Variants in PHF2 observed in about 807,000 individuals in gnomAD.
PHF2 encodes the protein lysine-specific demethylase PHF2.
A neutral mutation model predicts 120.5 loss-of-function variants in PHF2; 27 were observed. That is an observed-to-expected ratio of 0.22 (90% CI 0.17 to 0.31). PHF2 has a LOEUF of 0.31. Ranked by LOEUF, PHF2 falls within the 10% of genes least tolerant of loss-of-function variation. The pLI is 1.00. For synonymous variants in PHF2, 568 were observed against 592.5 expected (o/e 0.96, Z 0.60); for missense variants, 1,024 against 1,434.8 (o/e 0.71, Z 4.63).
intron 3 of PHF2, among the ~76,000 whole-genome samples, chr9:93,641,575 C>T (rs1826172645): frequency 6.6e-6 from 1 of 152,236 alleles, no homozygotes; most frequent in Admixed American, 6.5e-5. Context: ...CATCCAAACT[C>T]TTCACATGTT....
intron 14 of PHF2, among the ~76,000 whole-genome samples, chr9:93,664,911 A>G: frequency 6.6e-6 from 1 of 152,218 alleles, no homozygotes; most frequent in East Asian, 1.9e-4. Flanking sequence ...CGCCTCACCT[A>G]GGCACTGTAT....
At chr9:93,667,383 A>T in intron 17 of PHF2, 143 bp downstream of exon 17, 1 of 895,082 alleles carries the variant, frequency 1.1e-6, no homozygotes, top group Non-Finnish European at 1.7e-6. Flanking sequence ...GCAGAAGGGC[A>T]CACCTCAGAT....
intron 1 of PHF2, among the ~76,000 whole-genome samples, chr9:93,614,467 G>A (rs1825688605): frequency 6.6e-6 from 1 of 152,220 alleles, no homozygotes; most frequent in Admixed American, 6.5e-5. Context: ...ACAGAGAAGT[G>A]CAAATGAAGG....
At chr9:93,621,766 G>C (rs1825831885) in intron 1 of PHF2, among the ~76,000 whole-genome samples, 1 of 152,108 alleles carries the variant, frequency 6.6e-6, no homozygotes, top group Non-Finnish European at 1.5e-5. Context: ...CCAGGACCCC[G>C]TGCCAATATC....
chr9:93,644,791 A>G (rs1177009640), intron 3 of PHF2, among the ~76,000 whole-genome samples: 2 of 152,166 alleles, frequency 1.3e-5, no homozygotes, highest in Non-Finnish European at 2.9e-5. Flanking sequence ...GGCCTTGGGC[A>G]GACCACACTT....
chr9:93,640,201 T>C (rs968678261), intron 3 of PHF2, among the ~76,000 whole-genome samples: 11 of 151,120 alleles, frequency 7.3e-5, no homozygotes, highest in Admixed American at 7.2e-4. Flanking sequence ...TGGTCTAAGC[T>C]TTTTGGATCT....
intron 6 of PHF2, 125 bp downstream of exon 6, chr9:93,653,490 C>T: frequency 1.0e-6 from 1 of 966,092 alleles, no homozygotes; most frequent in Non-Finnish European, 1.5e-6. Context: ...CTGGACTGTC[C>T]ATCCCTGGGA....
rs146277024 is a variant in PHF2 at position 93,612,920 on chromosome 9, G to A, written c.99-17050G>A. Among the ~76,000 whole-genome samples the A allele has an allele frequency of 5.2e-3, 788 of 152,306 alleles. 2 individuals are homozygous for A. The highest frequency in any genetic ancestry group is 8.9e-3 in the Non-Finnish European group (608 of 68,028). ...CATGCTCTTGTTTGCTCACAGATGGGGGACTTCTCTCTAATTGCACCCTTC... is the reference window on the plus strand; with the variant it reads ...CATGCTCTTGTTTGCTCACAGATGGAGGACTTCTCTCTAATTGCACCCTTC... On this transcript the variant is annotated intron_variant, in intron 1 of 21. Coordinates refer to ENST00000359246, the MANE Select transcript of PHF2 (RefSeq NM_005392.4).
chr9:93,645,871 A>G lies in PHF2; in HGVS notation c.460+82A>G. The G allele has an allele frequency of 2.1e-6, 3 of 1,433,094 alleles. No homozygotes were observed. The Admixed American group carries it at 6.8e-5, about 33-fold the overall frequency. 88.8% of individuals were successfully genotyped at this position (1,433,094 alleles called of 1,614,324 possible). A position where few individuals can be genotyped will look rare whatever the true frequency, so the allele number is the denominator to read the frequency against. ...CCACCACTGTGCATGCTGTTTCCCC[A>G]CGCCCTGGCTGTGTCCATGTGTGCC... On this transcript the variant is annotated intron_variant, in intron 4 of 21. Transcript: ENST00000359246.
Position 93,576,744 on chromosome 9 carries a change from C to A in PHF2, c.-30C>A. On this transcript the variant is annotated 5_prime_UTR_variant, in exon 1 of 22. Transcript: ENST00000359246. ...CGGACCGACCCGGGCAGCGCAGCGG[C>A]GGGGCCGAGCGGCGGCGCGGCGCGG... is the stretch of plus-strand genomic sequence containing the variant. 8.9e-7 allele frequency: 1 copy of A among 1,126,032 alleles called. No individual in the cohort carries two copies. Among genetic ancestry groups the A allele is most frequent in the Non-Finnish European group, 1.1e-6 (1 of 891,746 alleles). The allele number at this position is 1,126,032 out of a possible 1,614,324, so 69.8% of individuals were successfully genotyped here. A position where few individuals can be genotyped will look rare whatever the true frequency, so the allele number is the denominator to read the frequency against.
chr9:93,592,376 C>G (rs1564373667), intron 1 of PHF2, among the ~76,000 whole-genome samples: 1 of 151,634 alleles, frequency 6.6e-6, no homozygotes, highest in Admixed American at 6.6e-5. Flanking sequence ...ATCATTGCCC[C>G]CATCACTGAC....
rs896880181 is a variant in PHF2, at chr9:93,588,615, G to A, written c.98+11744G>A. ...CCCCAGAAAAACACTTTATGGGCTG[G>A]GCACGGTGGCTCACACCTGTAATCC... On this transcript the variant is annotated intron_variant, in intron 1 of 21. Coordinates refer to ENST00000359246, the MANE Select transcript of PHF2 (RefSeq NM_005392.4). Among the ~76,000 whole-genome samples, 7 of 152,278 alleles carry A rather than the reference G, an allele frequency of 4.6e-5. No individual in the cohort carries two copies. The South Asian group carries it at 6.2e-4, about 14-fold the overall frequency.
At chr9:93,599,701 G>T (rs1306989376) in intron 1 of PHF2, among the ~76,000 whole-genome samples, 1 of 152,224 alleles carries the variant, frequency 6.6e-6, no homozygotes, top group Non-Finnish European at 1.5e-5. Context: ...GCCACCACGA[G>T]GGCTGATGTG....
chr9:93,584,216 T>C (rs1000216082), intron 1 of PHF2, among the ~76,000 whole-genome samples: 1 of 152,268 alleles, frequency 6.6e-6, no homozygotes. Flanking sequence ...TAATGACTAC[T>C]GATGCACAAA....
At position 93,637,882 on chromosome 9, in the gene PHF2, C is replaced by T. The variant is rs75558730; in HGVS notation, c.299+1357C>T. On this transcript the variant is annotated intron_variant, in intron 3 of 21. Transcript: ENST00000359246. ...AGACTGTCTTCCAAAGCAGGTTCCC[C>T]GTTTTACCTTCCCACCAGCAGGGTA... is the stretch of plus-strand genomic sequence containing the variant. 8.6e-3 allele frequency among the ~76,000 whole-genome samples: 1,303 copies of T among 152,322 alleles called. 20 individuals are homozygous for T. The highest frequency in any genetic ancestry group is 0.029 in the African/African-American group (1,190 of 41,566).
At chr9:93,630,779 G>C (rs1223936257) in intron 2 of PHF2, among the ~76,000 whole-genome samples, 1 of 152,182 alleles carries the variant, frequency 6.6e-6, no homozygotes, top group South Asian at 2.1e-4. Flanking sequence ...CTCGGGAGGG[G>C]TGTGGCCTGT....
At chr9:93,587,403 G>A (rs1863068999) in intron 1 of PHF2, among the ~76,000 whole-genome samples, 1 of 148,406 alleles carries the variant, frequency 6.7e-6, no homozygotes, top group Non-Finnish European at 1.5e-5. Flanking sequence ...GGACGGAGGA[G>A]CCCCAGGTGA....
Position 93,665,693 on chromosome 9 carries a change from G to C in PHF2, c.1945G>C (p.Ala649Pro), listed in dbSNP as rs1826663639. ...FSNKKLLGSK[A>P]LRPPTSPGVF... Reference sequence around the variant, plus strand: ...CACTCGCTTCTGCCCTAGCTCCAAGGCTCTCAGGCCCCCGACGAGCCCTGG... The same window carrying C: ...CACTCGCTTCTGCCCTAGCTCCAAGCCTCTCAGGCCCCCGACGAGCCCTGG... The change falls in exon 15 of 22, where the codon GCT becomes CCT. Residue 649 changes from alanine to proline, a missense_variant. Physicochemically the swap from Ala to Pro is conservative, Grantham distance 27. This residue lies in a region of PHF2 where 677 missense variants were observed against 857.4 expected (regional missense o/e 0.79). Coordinates refer to ENST00000359246, the MANE Select transcript of PHF2 (RefSeq NM_005392.4). The C allele has an allele frequency of 1.9e-6, 3 of 1,613,552 alleles. No individual in the cohort carries two copies. Among genetic ancestry groups the C allele is most frequent in the Non-Finnish European group, 2.5e-6 (3 of 1,180,012 alleles).
chr9:93,609,129 C>T (rs1029209302), intron 1 of PHF2, among the ~76,000 whole-genome samples: 3 of 120,258 alleles, frequency 2.5e-5, no homozygotes, highest in Non-Finnish European at 6.1e-5. Context: ...ACGTTTATGA[C>T]TAATCCAAGT....
Sources: allele counts gnomAD v4.1 joint callset (sites outside exome capture counted in the v4.1 genomes callset), GRCh38; gene constraint gnomAD v4.1.1; regional missense constraint gnomAD v4.1.1; transcripts MANE v1.5; gene names NCBI Gene and HGNC (gene_info 2026-07-23, HGNC 2026-07-21).